The following SIL1 variants were observed in gnomAD, a reference collection of about 807,000 sequenced individuals.
SIL1 encodes the protein SIL1 nucleotide exchange factor.
A neutral mutation model predicts 49.1 loss-of-function variants in SIL1; 40 were observed. The observed-to-expected ratio is 0.81, with a 90% CI of 0.63 to 1.06. The LOEUF (loss-of-function observed/expected upper bound fraction) is 1.06. Ranked by LOEUF, SIL1 falls within the 50% of genes least tolerant of loss-of-function variation. The pLI, the probability that SIL1 is intolerant of heterozygous loss-of-function variation, is 0.00. For synonymous variants in SIL1, 253 were observed against 250.8 expected (o/e 1.01, Z -0.08); for missense variants, 500 against 572.6 (o/e 0.87, Z 1.29).
At chr5:139,025,723 C>T (rs1280696743) in intron 6 of SIL1, among the ~76,000 whole-genome samples, 1 of 152,138 alleles carries the variant, frequency 6.6e-6, no homozygotes, top group African/African-American at 2.4e-5. Flanking sequence ...CCAAGCTTGT[C>T]CCTGCCCTAG....
chr5:138,965,517 T>C (rs1767118511), intron 7 of SIL1, among the ~76,000 whole-genome samples: 2 of 152,070 alleles, frequency 1.3e-5, no homozygotes, highest in Non-Finnish European at 2.9e-5. Context: ...AATTAATTAC[T>C]GCACTGGGAC....
intron 3 of SIL1, among the ~76,000 whole-genome samples, chr5:139,119,829 G>A (rs866943631): frequency 1.3e-5 from 2 of 152,174 alleles, no homozygotes; most frequent in Non-Finnish European, 2.9e-5. Context: ...TATCTTCCAC[G>A]CCCTACCCCT....
chr5:139,089,384 G>C (rs1365376292), intron 3 of SIL1, among the ~76,000 whole-genome samples: 3 of 152,164 alleles, frequency 2.0e-5, no homozygotes, highest in Non-Finnish European at 4.4e-5. Flanking sequence ...GAAGCTGTCA[G>C]ACAGGGTCTC....
intron 3 of SIL1, among the ~76,000 whole-genome samples, chr5:139,116,257 C>T (rs1770985394): frequency 6.6e-6 from 1 of 152,232 alleles, no homozygotes; most frequent in East Asian, 1.9e-4. Flanking sequence ...ATGGCTGGTG[C>T]TCTATAATTC....
At chr5:139,001,442 C>G (rs191216019) in intron 7 of SIL1, among the ~76,000 whole-genome samples, 27 of 152,332 alleles carry the variant, frequency 1.8e-4, no homozygotes, top group Admixed American at 1.7e-3. Context: ...AGCAAAATAA[C>G]TGGCATCAAT....
intron 3 of SIL1, among the ~76,000 whole-genome samples, chr5:139,053,861 T>C (rs1769345274): frequency 6.6e-6 from 1 of 152,264 alleles, no homozygotes; most frequent in African/African-American, 2.4e-5. Context: ...CCATGAATCC[T>C]TTATAGCACT....
intron 3 of SIL1, among the ~76,000 whole-genome samples, chr5:139,092,696 A>G (rs1386083220): frequency 6.6e-6 from 1 of 152,234 alleles, no homozygotes; most frequent in Non-Finnish European, 1.5e-5. Context: ...CAGGAGATGG[A>G]GAGTGCCAGG....
At chr5:138,959,726 A>G (rs1255841550) in intron 7 of SIL1, among the ~76,000 whole-genome samples, 2 of 152,234 alleles carry the variant, frequency 1.3e-5, no homozygotes, top group Non-Finnish European at 2.9e-5. Context: ...GAATCCCTAC[A>G]GTGGTGGTGC....
At chr5:139,070,829 T>G (rs931096532) in intron 3 of SIL1, among the ~76,000 whole-genome samples, 2 of 152,128 alleles carry the variant, frequency 1.3e-5, no homozygotes, top group African/African-American at 4.8e-5. Flanking sequence ...AACCAAACAT[T>G]TATCCTGTCT....
At chr5:138,995,615 GTAAACTATAGTCACCCTACTGATC>G (rs1449345490) in intron 7 of SIL1, among the ~76,000 whole-genome samples, 1 of 152,098 alleles carries the variant, frequency 6.6e-6, no homozygotes, top group Non-Finnish European at 1.5e-5. Context: ...ACAGATTATT[GTAAACTATAGTCACCCTACTGATC>G]TAGCAAACAA....
chr5:138,964,744 G>A (rs74399191), intron 7 of SIL1, among the ~76,000 whole-genome samples: 432 of 152,310 alleles, frequency 2.8e-3, no homozygotes, highest in African/African-American at 1.0e-2. Flanking sequence ...AAGGCTTGAC[G>A]ATTTAGTGCT....
Position 138,997,080 on chromosome 5 carries a change from G to A in SIL1, c.767+24091C>T, listed in dbSNP as rs926323386. The stretch of plus-strand genomic sequence containing the variant: ...CCTGAGTGGCTGAGACTACAGGAAT[G>A]CAACACTGTGCCCAGCTAGTTTTAT... On this transcript the variant is annotated intron_variant, in intron 7 of 9. Transcript: ENST00000394817. Among the ~76,000 whole-genome samples, 3 of 152,122 alleles carry A rather than the reference G, an allele frequency of 2.0e-5. No homozygotes were observed. In the South Asian group the frequency reaches 6.2e-4, roughly 32 times the overall value.
At chr5:139,111,101 C>T (rs1770828911) in intron 3 of SIL1, among the ~76,000 whole-genome samples, 1 of 152,190 alleles carries the variant, frequency 6.6e-6, no homozygotes, top group Admixed American at 6.5e-5. Flanking sequence ...CAGTTCTGAC[C>T]TCTTGGTTGT....
Position 139,021,179 on chromosome 5 carries a change from G to A in SIL1, c.759C>T (p.Ala253=), listed in dbSNP as rs769265983. 3.1e-6 allele frequency: 5 copies of A among 1,614,134 alleles called. No homozygotes were observed. In the South Asian group the frequency reaches 5.5e-5, roughly 18 times the overall value. ...TCCATTATACTGCTCACCTGGAAAA[G>A]GCAGCGCCCAGCACAAACGCAGCAT... ...KEYAAFVLGA[A]FSSNPKVQVE... is the part of the protein sequence containing the mutation. The change falls in exon 7 of 10, where the codon GCC becomes GCT. Residue 253 remains alanine, a synonymous_variant. Coordinates refer to ENST00000394817, the MANE Select transcript of SIL1 (RefSeq NM_022464.5).
intron 7 of SIL1, among the ~76,000 whole-genome samples, chr5:138,965,923 T>C (rs1767129199): frequency 6.6e-6 from 1 of 151,902 alleles, no homozygotes. Context: ...AGAGTGACCA[T>C]ATGTTCTGTT....
intron 3 of SIL1, among the ~76,000 whole-genome samples, chr5:139,103,687 C>T (rs548657210): frequency 1.3e-5 from 2 of 152,274 alleles, no homozygotes; most frequent in Non-Finnish European, 2.9e-5. Context: ...ATTCTCACTC[C>T]CCTCCCCCAA....
chr5:139,006,780 C>T (rs1342334362), intron 7 of SIL1, among the ~76,000 whole-genome samples: 5 of 147,358 alleles, frequency 3.4e-5, no homozygotes, highest in Admixed American at 2.0e-4. Flanking sequence ...AGGTATGCGG[C>T]GTTATTTCTG....
intron 7 of SIL1, among the ~76,000 whole-genome samples, chr5:138,998,902 G>A (rs1414261610): frequency 6.9e-6 from 1 of 144,526 alleles, no homozygotes; most frequent in Non-Finnish European, 1.5e-5. Context: ...TGTCATCCAG[G>A]CTGGAGTGCA....
intron 3 of SIL1, among the ~76,000 whole-genome samples, chr5:139,098,755 C>T (rs1313969205): frequency 6.7e-6 from 1 of 148,396 alleles, no homozygotes; most frequent in Non-Finnish European, 1.5e-5. Flanking sequence ...GAAAAACAAA[C>T]TTAATAATTC....
Sources: allele counts gnomAD v4.1 joint callset (sites outside exome capture counted in the v4.1 genomes callset), GRCh38; gene constraint gnomAD v4.1.1; transcripts MANE v1.5; gene names NCBI Gene and HGNC (gene_info 2026-07-23, HGNC 2026-07-21).